The following PCDH9 variants were observed in gnomAD, a reference collection of about 807,000 sequenced individuals.
PCDH9 encodes the protein protocadherin 9, also known as protocadherin-9.
Under a neutral mutation model 70.6 loss-of-function variants are expected in PCDH9, and 24 were observed. The observed-to-expected ratio is 0.34, with a 90% CI of 0.25 to 0.48. PCDH9 has a LOEUF of 0.48. Ranked by LOEUF, PCDH9 falls within the 20% of genes least tolerant of loss-of-function variation. The pLI is 0.99. For synonymous variants in PCDH9, 562 were observed against 558.5 expected (o/e 1.01, Z -0.09); for missense variants, 1,281 against 1,503.6 (o/e 0.85, Z 2.45).
At chr13:66,992,381 T>C (rs1000889337) in intron 2 of PCDH9, among the ~76,000 whole-genome samples, 5 of 152,130 alleles carry the variant, frequency 3.3e-5, no homozygotes, top group African/African-American at 1.2e-4. Flanking sequence ...TCCAGCGGAA[T>C]GATGCAAGCT....
intron 2 of PCDH9, among the ~76,000 whole-genome samples, chr13:66,967,173 T>C (rs2083445426): frequency 6.6e-6 from 1 of 152,080 alleles, no homozygotes; most frequent in South Asian, 2.1e-4. Context: ...AAAAAATCAC[T>C]TAAAATGGCA....
At chr13:67,107,317 C>G (rs118177943) in intron 2 of PCDH9, among the ~76,000 whole-genome samples, 1,984 of 152,200 alleles carry the variant, frequency 0.013, 39 homozygotes, top group South Asian at 0.069. Flanking sequence ...GCAGGCAGCC[C>G]CAAATGAGAT....
intron 4 of PCDH9, among the ~76,000 whole-genome samples, chr13:66,604,132 C>T (rs557305603): frequency 9.9e-5 from 15 of 152,072 alleles, no homozygotes; most frequent in African/African-American, 3.6e-4. Context: ...TTCCTCCGCA[C>T]TTGCAGATTT....
chr13:67,051,526 G>T (rs1302471463), intron 2 of PCDH9, among the ~76,000 whole-genome samples: 1 of 151,152 alleles, frequency 6.6e-6, no homozygotes, highest in Non-Finnish European at 1.5e-5. Context: ...CCGAATAGCT[G>T]GGATTACAGG....
chr13:66,830,806 G>T (rs563096539), intron 3 of PCDH9, among the ~76,000 whole-genome samples: 1 of 151,976 alleles, frequency 6.6e-6, no homozygotes, highest in Non-Finnish European at 1.5e-5. Flanking sequence ...ATTTCAGGGG[G>T]GTCTAGAAAG....
chr13:66,898,528 T>C (rs1488471405), intron 3 of PCDH9, among the ~76,000 whole-genome samples: 2 of 152,174 alleles, frequency 1.3e-5, no homozygotes, highest in South Asian at 2.1e-4. Context: ...ATTTGTGTGC[T>C]TGTACATAAT....
chr13:66,359,274 G>C (rs1306586415), intron 4 of PCDH9, among the ~76,000 whole-genome samples: 1 of 151,832 alleles, frequency 6.6e-6, no homozygotes, highest in Non-Finnish European at 1.5e-5. Context: ...TTCTTAGTTT[G>C]AAAGAATATC....
chr13:66,974,755 T>C (rs1181734644), intron 2 of PCDH9, among the ~76,000 whole-genome samples: 1 of 152,052 alleles, frequency 6.6e-6, no homozygotes, highest in African/African-American at 2.4e-5. Flanking sequence ...AAATGACAAG[T>C]TGCACATATA....
At chr13:66,710,108 C>T (rs891959016) in intron 3 of PCDH9, among the ~76,000 whole-genome samples, 2 of 152,110 alleles carry the variant, frequency 1.3e-5, no homozygotes, top group Non-Finnish European at 2.9e-5. Context: ...ACATTATACA[C>T]ATTGACTACA....
intron 4 of PCDH9, among the ~76,000 whole-genome samples, chr13:66,523,049 T>A (rs1379933313): frequency 2.0e-5 from 3 of 152,006 alleles, no homozygotes; most frequent in Non-Finnish European, 2.9e-5. Flanking sequence ...ACTTGCAGGG[T>A]GTTGCTTCAA....
At chr13:66,620,907 C>A (rs573024553) in intron 4 of PCDH9, among the ~76,000 whole-genome samples, 1 of 152,040 alleles carries the variant, frequency 6.6e-6, no homozygotes. Flanking sequence ...AATGTCTATC[C>A]CCCAAACCTA....
intron 3 of PCDH9, among the ~76,000 whole-genome samples, chr13:66,792,801 T>C (rs546290137): frequency 8.0e-4 from 122 of 152,302 alleles, no homozygotes; most frequent in African/African-American, 2.9e-3. Flanking sequence ...AATAAATATA[T>C]GTACACACTC....
At chr13:66,703,185 C>A (rs2078668818) in intron 3 of PCDH9, among the ~76,000 whole-genome samples, 1 of 152,198 alleles carries the variant, frequency 6.6e-6, no homozygotes, top group East Asian at 1.9e-4. Context: ...TTATTACCAT[C>A]ACGCAATGTA....
chr13:66,465,085 A>G (rs936278834), intron 4 of PCDH9, among the ~76,000 whole-genome samples: 3 of 151,874 alleles, frequency 2.0e-5, no homozygotes, highest in South Asian at 4.1e-4. Context: ...AGCAGTAGCA[A>G]TTTATACATC....
chr13:66,573,652 T>C (rs752710484), intron 4 of PCDH9, among the ~76,000 whole-genome samples: 1 of 152,196 alleles, frequency 6.6e-6, no homozygotes, highest in Non-Finnish European at 1.5e-5. Context: ...TTTGATAAAC[T>C]AAAAAATAAT....
chr13:66,934,627 T>C (rs2082877561), intron 2 of PCDH9, among the ~76,000 whole-genome samples: 2 of 149,494 alleles, frequency 1.3e-5, no homozygotes, highest in Non-Finnish European at 3.0e-5. Flanking sequence ...AGCAGAATAG[T>C]TGTATGCTGA....
chr13:66,703,762 G>A (rs988057528), intron 3 of PCDH9, among the ~76,000 whole-genome samples: 1 of 152,016 alleles, frequency 6.6e-6, no homozygotes, highest in African/African-American at 2.4e-5. Flanking sequence ...TCCAGGCATA[G>A]TGGTGAGTGC....
intron 2 of PCDH9, among the ~76,000 whole-genome samples, chr13:66,932,210 C>A (rs963770213): frequency 6.6e-6 from 1 of 152,228 alleles, no homozygotes; most frequent in African/African-American, 2.4e-5. Flanking sequence ...GAGTAAAAAT[C>A]TTGGCTCTGC....
chr13:66,712,211 T>C (rs1234393398), intron 3 of PCDH9, among the ~76,000 whole-genome samples: 1 of 152,216 alleles, frequency 6.6e-6, no homozygotes, highest in South Asian at 2.1e-4. Context: ...TATTTCCTTT[T>C]AGTTTTATTA....
Sources: allele counts gnomAD v4.1 joint callset (sites outside exome capture counted in the v4.1 genomes callset), GRCh38; gene constraint gnomAD v4.1.1; transcripts MANE v1.5; gene names NCBI Gene and HGNC (gene_info 2026-07-23, HGNC 2026-07-21).